Variants in KIAA0825 observed in about 807,000 individuals in gnomAD.
KIAA0825 encodes KIAA0825.
Under a neutral mutation model 147.6 loss-of-function variants are expected in KIAA0825, and 119 were observed. The observed-to-expected ratio is 0.81, with a 90% CI of 0.69 to 0.94. The LOEUF (loss-of-function observed/expected upper bound fraction) is 0.94. Ranked by LOEUF, KIAA0825 falls within the 40% of genes least tolerant of loss-of-function variation. KIAA0825 has a pLI of 0.00. For synonymous variants in KIAA0825, 470 were observed against 518.1 expected (o/e 0.91, Z 1.26); for missense variants, 1,381 against 1,472.7 (o/e 0.94, Z 1.02).
At chr5:94,336,538 T>A (rs567780026) in intron 20 of KIAA0825, among the ~76,000 whole-genome samples, 1 of 152,184 alleles carries the variant, frequency 6.6e-6, no homozygotes, top group East Asian at 1.9e-4. Context: ...TGTGTTAGTC[T>A]GCTGAGAATG....
intron 1 of KIAA0825, among the ~76,000 whole-genome samples, chr5:94,587,532 C>A (rs1028655414): frequency 6.6e-6 from 1 of 151,690 alleles, no homozygotes; most frequent in Non-Finnish European, 1.5e-5. Flanking sequence ...CACTGCTCAA[C>A]GAAATAAAAG....
At chr5:94,313,005 C>A (rs944308508) in intron 20 of KIAA0825, among the ~76,000 whole-genome samples, 40 of 151,556 alleles carry the variant, frequency 2.6e-4, no homozygotes, top group Admixed American at 4.6e-4. Flanking sequence ...GTATACATTA[C>A]ATTCTACATT....
At chr5:94,301,717 C>T (rs544456099) in intron 20 of KIAA0825, among the ~76,000 whole-genome samples, 7 of 152,062 alleles carry the variant, frequency 4.6e-5, no homozygotes, top group African/African-American at 1.4e-4. Context: ...TGTTAAAGGA[C>T]ATTTAGCCTA....
At chr5:94,251,904 ACT>A (rs1351389373) in intron 20 of KIAA0825, among the ~76,000 whole-genome samples, 1 of 151,916 alleles carries the variant, frequency 6.6e-6, no homozygotes, top group Admixed American at 6.6e-5. Context: ...TTTGGGTACC[ACT>A]CTCTAAGTAT....
At chr5:94,317,330 T>G (rs955097180) in intron 20 of KIAA0825, among the ~76,000 whole-genome samples, 2 of 151,878 alleles carry the variant, frequency 1.3e-5, no homozygotes, top group Admixed American at 6.6e-5. Context: ...TGCCTTTCAG[T>G]GTTTAAAATA....
chr5:94,384,492 A>T, intron 19 of KIAA0825, 34 bp from the exon 20 acceptor site: 5 of 1,492,244 alleles, frequency 3.4e-6, no homozygotes, highest in Non-Finnish European at 4.6e-6. Flanking sequence ...CACTATTGTT[A>T]GTTATTAATC....
chr5:94,387,312 G>T (rs1418868749), intron 18 of KIAA0825, among the ~76,000 whole-genome samples: 1 of 152,118 alleles, frequency 6.6e-6, no homozygotes, highest in Non-Finnish European at 1.5e-5. Flanking sequence ...CAAAGTCTGG[G>T]GCACTGGATC....
intron 1 of KIAA0825, chr5:94,618,101 C>T (rs1028101218): frequency 7.2e-5 from 11 of 152,340 alleles, no homozygotes; most frequent in Non-Finnish European, 1.2e-4. Flanking sequence ...AACCTCCTGC[C>T]TTCCAGGCAC....
chr5:94,398,976 C>T (rs1751026838), intron 16 of KIAA0825, among the ~76,000 whole-genome samples: 2 of 152,074 alleles, frequency 1.3e-5, no homozygotes, highest in Non-Finnish European at 2.9e-5. Flanking sequence ...CAATCCATGA[C>T]AACTTAAGAA....
chr5:94,573,557 C>T (rs1468707742), intron 2 of KIAA0825, among the ~76,000 whole-genome samples: 3 of 152,160 alleles, frequency 2.0e-5, no homozygotes, highest in Non-Finnish European at 1.5e-5. Context: ...CAGGTGTGAG[C>T]CACCAGGCCC....
At chr5:94,292,805 T>C (rs947552318) in intron 20 of KIAA0825, among the ~76,000 whole-genome samples, 1 of 152,190 alleles carries the variant, frequency 6.6e-6, no homozygotes, top group Admixed American at 6.5e-5. Context: ...TATTGGTCTA[T>C]TCAGGGATTC....
intron 20 of KIAA0825, among the ~76,000 whole-genome samples, chr5:94,318,717 C>T (rs1481030395): frequency 6.6e-6 from 1 of 151,880 alleles, no homozygotes; most frequent in Non-Finnish European, 1.5e-5. Context: ...TTGCTATTTT[C>T]TGCTACATAG....
At chr5:94,224,077 C>CTTTTTTTTTTTTTTTTTTTTTT (rs1773920941) in intron 20 of KIAA0825, among the ~76,000 whole-genome samples, 1 of 69,690 alleles carries the variant, frequency 1.4e-5, no homozygotes, top group African/African-American at 5.0e-5. Context: ...CTTTCTTTTT[C>CTTTTTTTTTTTTTTTTTTTTTT]TTTTCTTTTT....
chr5:94,389,625 T>C (rs1749636576), intron 18 of KIAA0825, among the ~76,000 whole-genome samples: 2 of 152,222 alleles, frequency 1.3e-5, no homozygotes, highest in Non-Finnish European at 2.9e-5. Context: ...TACATTACAT[T>C]CTTGAGAAAC....
At chr5:94,590,870 T>G (rs1024067624) in intron 1 of KIAA0825, among the ~76,000 whole-genome samples, 14 of 152,202 alleles carry the variant, frequency 9.2e-5, no homozygotes, top group African/African-American at 3.4e-4. Context: ...AAACAGTTTC[T>G]TTAAAAACAT....
chr5:94,216,127 G>A (rs1260889264), intron 20 of KIAA0825, among the ~76,000 whole-genome samples: 4 of 152,014 alleles, frequency 2.6e-5, no homozygotes, highest in African/African-American at 7.2e-5. Context: ...TCTTTAGGCT[G>A]GTACAACACC....
At chr5:94,179,222 CA>C (rs1422916367) in intron 20 of KIAA0825, among the ~76,000 whole-genome samples, 1 of 152,030 alleles carries the variant, frequency 6.6e-6, no homozygotes, top group Non-Finnish European at 1.5e-5. Flanking sequence ...TGACTCTACA[CA>C]GTTGTCAAAA....
chr5:94,237,347 A>G (rs1025498693), intron 20 of KIAA0825, among the ~76,000 whole-genome samples: 8 of 152,158 alleles, frequency 5.3e-5, no homozygotes, highest in Non-Finnish European at 1.5e-5. Context: ...CTTAATGTAG[A>G]TGTCATCTAC....
intron 1 of KIAA0825, among the ~76,000 whole-genome samples, chr5:94,589,621 C>T (rs1409937857): frequency 6.6e-6 from 1 of 152,090 alleles, no homozygotes; most frequent in Non-Finnish European, 1.5e-5. Context: ...TTGTACATCT[C>T]GTTGTATTTA....
Sources: gnomAD v4.1 joint callset for allele counts (sites outside exome capture counted in the v4.1 genomes callset) on GRCh38, gnomAD v4.1.1 for gene constraint, MANE v1.5 for transcripts, NCBI Gene and HGNC (gene_info 2026-07-23, HGNC 2026-07-21) for gene names.